FAM117A: variants seen among roughly 807,000 people sequenced by gnomAD.
FAM117A encodes the protein family with sequence similarity 117 member A, also known as protein FAM117A.
A neutral mutation model predicts 44.1 loss-of-function variants in FAM117A; 21 were observed. That is an observed-to-expected ratio of 0.48 (90% CI 0.34 to 0.69). The LOEUF is 0.69. FAM117A is among the 30% of genes least tolerant of loss of function. The pLI, the probability that FAM117A is intolerant of heterozygous loss-of-function variation, is 0.01. For synonymous variants in FAM117A, 220 were observed against 238.3 expected, an observed-to-expected ratio of 0.92 and a Z score of 0.71; for missense variants, 498 against 589.9, an observed-to-expected ratio of 0.84 and a Z score of 1.61.
chr17:49,722,905 G>A (rs1390634576), intron 2 of FAM117A, among the ~76,000 whole-genome samples: 3 of 152,004 alleles, frequency 2.0e-5, no homozygotes, highest in Non-Finnish European at 4.4e-5. Context: ...GACAAGTATT[G>A]CCACTCCTAT....
intron 7 of FAM117A, among the ~76,000 whole-genome samples, chr17:49,714,503 A>G (rs1488174173): frequency 6.6e-6 from 1 of 151,622 alleles, no homozygotes; most frequent in East Asian, 1.9e-4. Flanking sequence ...ACACCCGGCT[A>G]CTTTTTGTAT....
chr17:49,788,794 C>T (rs376069395), upstream of FAM117A: 145 of 1,570,590 alleles, frequency 9.2e-5, no homozygotes, highest in African/African-American at 1.7e-3. Flanking sequence ...GCTGCTGCCG[C>T]CGCTGCCCGA....
At chr17:49,737,183 A>G (rs1244378064) in intron 1 of FAM117A, among the ~76,000 whole-genome samples, 2 of 152,184 alleles carry the variant, frequency 1.3e-5, no homozygotes, top group African/African-American at 4.8e-5. Context: ...TAAGTTGGTG[A>G]CAGGCACACT....
At chr17:49,748,906 C>T (rs1361465042) in intron 1 of FAM117A, among the ~76,000 whole-genome samples, 1 of 152,138 alleles carries the variant, frequency 6.6e-6, no homozygotes, top group Non-Finnish European at 1.5e-5. Context: ...AAGGGGCCGG[C>T]ACACAAGCGG....
At chr17:49,735,002 T>G (rs1436559844) in intron 1 of FAM117A, among the ~76,000 whole-genome samples, 2 of 152,002 alleles carry the variant, frequency 1.3e-5, no homozygotes, top group Non-Finnish European at 2.9e-5. Context: ...ACCAAGGGCT[T>G]AGGAGGAGGA....
intron 1 of FAM117A, among the ~76,000 whole-genome samples, chr17:49,778,503 C>T (rs1468315192): frequency 2.0e-5 from 3 of 152,158 alleles, no homozygotes; most frequent in Admixed American, 6.5e-5. Flanking sequence ...AACATTTTGC[C>T]TGGTATAGTA....
chr17:49,725,882 G>A (rs1457162783), intron 2 of FAM117A, among the ~76,000 whole-genome samples: 1 of 152,202 alleles, frequency 6.6e-6, no homozygotes, highest in African/African-American at 2.4e-5. Flanking sequence ...AGGGAGATTA[G>A]ATGTATGCAC....
intron 1 of FAM117A, among the ~76,000 whole-genome samples, chr17:49,735,251 G>A (rs1181623796): frequency 6.6e-6 from 1 of 152,064 alleles, no homozygotes; most frequent in East Asian, 1.9e-4. Flanking sequence ...TTAGCCGGGC[G>A]TGGTGGTGCA....
intron 1 of FAM117A, among the ~76,000 whole-genome samples, chr17:49,761,850 T>G (rs564823765): frequency 4.9e-4 from 75 of 152,324 alleles, no homozygotes; most frequent in African/African-American, 1.8e-3. Context: ...TTTTCCCCTC[T>G]CCTGCCATAC....
chr17:49,738,327 G>A (rs1170435256), intron 1 of FAM117A, among the ~76,000 whole-genome samples: 5 of 152,110 alleles, frequency 3.3e-5, no homozygotes, highest in African/African-American at 1.2e-4. Flanking sequence ...CCTCTGACCA[G>A]TTATCCATTA....
chr17:49,721,356 A>T (rs548135312), intron 3 of FAM117A, among the ~76,000 whole-genome samples: 1 of 152,340 alleles, frequency 6.6e-6, no homozygotes, highest in South Asian at 2.1e-4. Context: ...CAGAGAGTAG[A>T]TCTGCTACCC....
chr17:49,722,539 T>A lies in FAM117A; in HGVS notation c.422A>T (p.Lys141Met). 6.2e-7 allele frequency: 1 copy of A among 1,613,998 alleles called. No individual in the cohort carries two copies. Among genetic ancestry groups the A allele is most frequent in the Non-Finnish European group, 8.5e-7 (1 of 1,179,974 alleles). Residue 141 changes from lysine to methionine, a missense_variant, in exon 3 of 8, where the codon AAG (lysine) becomes ATG (methionine). Lys to Met is a moderately conservative substitution (Grantham distance 95). This residue lies in a region of FAM117A where 270 missense variants were observed against 277.4 expected (regional missense o/e 0.97). Transcript: ENST00000240364. Reference sequence around the variant, plus strand: ...TGTGCTGCCCCAGGATGCTGAGCGCTTGTGTGCACAGGAACTGGCACGCTC... The same window carrying A: ...TGTGCTGCCCCAGGATGCTGAGCGCATGTGTGCACAGGAACTGGCACGCTC... Reference protein sequence around the residue: ...EGERASSCAHKRSASWGSTDH... With the variant: ...EGERASSCAHMRSASWGSTDH...
Position 49,716,152 on chromosome 17 carries a change from T to G in FAM117A, c.1061+13A>C. On this transcript the variant is annotated intron_variant, in intron 7 of 7. Transcript: ENST00000240364. The stretch of plus-strand genomic sequence containing the variant: ...CCCTCCCCTCCCACACCCTGTCCAC[T>G]TGGTGTACTCACGTGGCTTCTTCAA... 16 of 1,201,926 alleles carry G rather than the reference T, an allele frequency of 1.3e-5. No homozygotes were observed. The highest frequency in any genetic ancestry group is 1.9e-5 in the Non-Finnish European group (16 of 857,228). The allele number at this position is 1,201,926 out of a possible 1,614,324, so 74.5% of individuals were successfully genotyped here. A position where few individuals can be genotyped will look rare whatever the true frequency, so the allele number is the denominator to read the frequency against.
chr17:49,715,703 A>G (rs1439490022), intron 7 of FAM117A, among the ~76,000 whole-genome samples: 1 of 152,138 alleles, frequency 6.6e-6, no homozygotes, highest in Non-Finnish European at 1.5e-5. Flanking sequence ...TCCGAAGCTC[A>G]AACTGTTAAG....
At chr17:49,747,139 GA>G (rs369797474) in intron 1 of FAM117A, 5,226 of 143,940 alleles carry the variant, frequency 0.036, 335 homozygotes, top group African/African-American at 0.12. Flanking sequence ...AAGATAAGTA[GA>G]AAAAAAAAAA....
At chr17:49,719,654 G>T (rs1004565383) in intron 5 of FAM117A, 106 bp downstream of exon 5, 36 of 1,335,690 alleles carry the variant, frequency 2.7e-5, no homozygotes, top group Non-Finnish European at 3.5e-5. Flanking sequence ...TGCTGTTTGC[G>T]TAGCCATAGC....
chr17:49,711,983 A>T (rs549099700), intron 7 of FAM117A, among the ~76,000 whole-genome samples: 1 of 152,182 alleles, frequency 6.6e-6, no homozygotes, highest in Non-Finnish European at 1.5e-5. Context: ...TGTCTCCAGT[A>T]AAAATACAAA....
intron 1 of FAM117A, among the ~76,000 whole-genome samples, chr17:49,776,831 G>A (rs921068875): frequency 6.6e-6 from 1 of 152,152 alleles, no homozygotes; most frequent in Admixed American, 6.5e-5. Flanking sequence ...GGTCAAAAGG[G>A]AAGCTGCAAG....
intron 1 of FAM117A, among the ~76,000 whole-genome samples, chr17:49,743,196 T>C (rs1167005382): frequency 2.6e-5 from 4 of 152,164 alleles, no homozygotes. Flanking sequence ...GAAGGGTCTA[T>C]TCCTTTCCCT....
Sources: gnomAD v4.1 joint callset for allele counts (sites outside exome capture counted in the v4.1 genomes callset) on GRCh38, gnomAD v4.1.1 for gene constraint, gnomAD v4.1.1 regional missense constraint, MANE v1.5 for transcripts, NCBI Gene and HGNC (gene_info 2026-07-23, HGNC 2026-07-21) for gene names.